IGFN1: variants seen among roughly 807,000 people sequenced by gnomAD.
IGFN1 encodes the protein immunoglobulin like and fibronectin type III domain containing 1.
A neutral mutation model predicts 289.5 loss-of-function variants in IGFN1; 253 were observed. The ratio of observed to expected loss-of-function variants is 0.87; its 90% CI spans 0.79 to 0.97. The LOEUF (loss-of-function observed/expected upper bound fraction) is 0.97. IGFN1 is among the 50% of genes least tolerant of loss of function. IGFN1 has a pLI of 0.00. For missense variants in IGFN1, 4,470 were observed against 4,686.1 expected, an observed-to-expected ratio of 0.95 and a Z score of 1.35; for synonymous variants, 1,706 against 1,788.5, an observed-to-expected ratio of 0.95 and a Z score of 1.16.
chr1:201,217,501 C>G, intron 17 of IGFN1, 41 bp downstream of exon 17: 1 of 1,601,184 alleles, frequency 6.2e-7, no homozygotes, highest in Non-Finnish European at 8.5e-7. Context: ...TTAGACCCCT[C>G]CTGGCTCCAG....
chr1:201,219,602 C>A (rs983207461), intron 18 of IGFN1, among the ~76,000 whole-genome samples: 1 of 152,218 alleles, frequency 6.6e-6, no homozygotes. Context: ...TTTCTCATCC[C>A]CTAATCAGTT....
intron 5 of IGFN1, 77 bp from the exon 6 acceptor site, chr1:201,199,256 AG>A: frequency 7.9e-7 from 1 of 1,272,432 alleles, no homozygotes; most frequent in East Asian, 2.5e-5. Context: ...TCAGTTTCTC[AG>A]GAAGACCATC....
rs1248426051 is a variant in IGFN1, at chr1:201,201,850, A to G, written c.747+18A>G. The G allele has an allele frequency of 3.1e-6, 2 of 639,322 alleles. No individual in the cohort carries two copies. Among genetic ancestry groups the G allele is most frequent in the Admixed American group, 2.2e-5 (1 of 45,766 alleles). 39.6% of individuals were successfully genotyped at this position (639,322 alleles called of 1,614,324 possible). ...TGTATAAGGTGAGGCTGGAGGGGCT[A>G]TGGGTGGGGGGGATCTGGCAGGGAT... On this transcript the variant is annotated intron_variant, in intron 9 of 23. Transcript: ENST00000335211.
rs1427165886 is a variant in IGFN1 at position 201,193,264 on chromosome 1, C to A, written c.-30C>A. 1 of 1,517,318 alleles carries A rather than the reference C, an allele frequency of 6.6e-7. No individual in the cohort carries two copies. 94.0% of individuals were successfully genotyped at this position (1,517,318 alleles called of 1,614,324 possible). ...GTTCTCAGGGTAATAGAACTTCTAC[C>A]CTCAGAGGAGTCAAAGAGGAGGCAG... is the stretch of plus-strand genomic sequence containing the variant. On this transcript the variant is annotated 5_prime_UTR_variant, in exon 2 of 24. Coordinates refer to ENST00000335211, the MANE Select transcript of IGFN1 (RefSeq NM_001164586.2).
In IGFN1 at chr1:201,215,804, C is replaced by A; in HGVS notation, c.9261C>A (p.Gly3087=). 1 of 1,596,708 alleles carries A rather than the reference C, an allele frequency of 6.3e-7. No homozygotes were observed. Among genetic ancestry groups the A allele is most frequent in the Non-Finnish European group, 8.5e-7 (1 of 1,170,428 alleles). ...QYSVTLRSEG[G]SVQAELTLQV... ...GCGTGACACTGAGGAGTGAGGGAGGCTCTGTGCAGGCCGAGCTCACTCTGC... is the reference window on the plus strand; with the variant it reads ...GCGTGACACTGAGGAGTGAGGGAGGATCTGTGCAGGCCGAGCTCACTCTGC... The change falls in exon 15 of 24, where the codon GGC becomes GGA. Residue 3087 remains glycine, a synonymous_variant. Transcript: ENST00000335211.
chr1:201,199,180 C>A (rs900682053), intron 5 of IGFN1, among the ~76,000 whole-genome samples, 154 bp from the exon 6 acceptor site: 4 of 152,200 alleles, frequency 2.6e-5, no homozygotes, highest in African/African-American at 9.6e-5. Flanking sequence ...CACCCTGCTC[C>A]ATCCCTCTTG....
chr1:201,223,960 T>C (rs1030971813), intron 20 of IGFN1, among the ~76,000 whole-genome samples: 2 of 152,220 alleles, frequency 1.3e-5, no homozygotes, highest in African/African-American at 4.8e-5. Flanking sequence ...GCACATTGAG[T>C]AGTTACCATG....
rs201322339 is a variant in IGFN1, at chr1:201,213,258, C to A, written c.8365C>A (p.Gln2789Lys). 1.3e-6 allele frequency: 2 copies of A among 1,552,390 alleles called. No individual in the cohort carries two copies. The highest frequency in any genetic ancestry group is 2.7e-5 in the African/African-American group (2 of 73,060). Residue 2789 changes from glutamine (Q) to lysine (K), a missense_variant, in exon 12 of 24, where the codon CAG (glutamine) becomes AAG (lysine). Gln to Lys is a moderately conservative substitution (Grantham distance 53, BLOSUM62 1). Transcript: ENST00000335211. Reference protein sequence around the residue: ...GSLEAENGEVQGPGALKEDEG... With the variant: ...GSLEAENGEVKGPGALKEDEG... ...CCTGGAGGCTGAGAATGGTGAGGTC[C>A]AGGGTCCTGGGGCCCTAAAGGAGGA...
rs556078243 is a variant in IGFN1, at chr1:201,206,603, A to C, written c.1710A>C (p.Gly570=). The C allele has an allele frequency of 6.5e-7, 1 of 1,545,874 alleles. No homozygotes were observed. Among genetic ancestry groups the C allele is most frequent in the Non-Finnish European group, 8.7e-7 (1 of 1,146,934 alleles). Residue 570 remains glycine, a synonymous_variant, in exon 12 of 24, where the codon GGA becomes GGC. Coordinates refer to ENST00000335211, the MANE Select transcript of IGFN1 (RefSeq NM_001164586.2). ...EAGSSRLQAG[G]LGSSREGKEH... is the part of the protein sequence containing the mutation. ...GGTCCAGTCGGCTTCAGGCTGGAGG[A>C]CTGGGGAGCAGCAGGGAAGGAAAGG... is the stretch of plus-strand genomic sequence containing the variant.
chr1:201,216,724 A>G lies in IGFN1; in HGVS notation c.9566A>G (p.Glu3189Gly). ...TCAGAGGGGGCTGGCGAGGCCCTGG[A>G]GTCTGAGGAGATATTGGTGGCTCCT... The part of the protein sequence containing the change: ...VTSEGAGEAL[E>G]SEEILVAPEA... The change falls in exon 16 of 24, where the codon GAG becomes GGG. Residue 3189 changes from glutamate (E) to glycine (G), a missense_variant. By Grantham distance (98) the Glu-to-Gly change is moderately conservative. Around this residue, in one of 8 missense-constraint regions of IGFN1, gnomAD observed 2,218 missense variants for 2,114.1 expected, o/e 1.05. Coordinates refer to ENST00000335211, the MANE Select transcript of IGFN1 (RefSeq NM_001164586.2). The G allele has an allele frequency of 6.2e-7, 1 of 1,609,788 alleles. No homozygotes were observed. The highest frequency in any genetic ancestry group is 8.5e-7 in the Non-Finnish European group (1 of 1,178,068).
intron 1 of IGFN1, among the ~76,000 whole-genome samples, chr1:201,192,421 C>T (rs1250750252): frequency 6.6e-6 from 1 of 152,168 alleles, no homozygotes. Flanking sequence ...CTCATCCCAC[C>T]CCAGACCCAA....
chr1:201,217,305 C>T lies in IGFN1; in HGVS notation c.9614C>T (p.Ser3205Phe), dbSNP rs1653374760. 1.9e-6 allele frequency: 3 copies of T among 1,614,026 alleles called. No homozygotes were observed. The highest frequency in any genetic ancestry group is 2.5e-6 in the Non-Finnish European group (3 of 1,180,000). Residue 3205 changes from serine (S) to phenylalanine (F), a missense_variant, in exon 17 of 24, where the codon TCC becomes TTC. Around this residue, in one of 8 missense-constraint regions of IGFN1, gnomAD observed 2,218 missense variants for 2,114.1 expected, o/e 1.05. Transcript: ENST00000335211. ...CCCCCAGCTCTCCCCAAGGCCCCTT[C>T]CGCGCCAGCCATCCTGTCGGCCTCC... ...VAPEALPKAP[S>F]APAILSASSQ... is the part of the protein sequence containing the mutation.
rs567133986 is a variant in IGFN1 at position 201,225,906 on chromosome 1, C to T, written c.10569C>T (p.Asp3523=). The T allele has an allele frequency of 2.1e-5, 34 of 1,610,902 alleles. No individual in the cohort carries two copies. The highest frequency in any genetic ancestry group is 1.7e-4 in the South Asian group (15 of 90,568). ...CGGCCGAGTGGGAACCCTCTCCTGACGAGGCCCAGGATGTCCCGCTGCACT... is the reference window on the plus strand; with the variant it reads ...CGGCCGAGTGGGAACCCTCTCCTGATGAGGCCCAGGATGTCCCGCTGCACT... The part of the protein sequence containing the change: ...TVTAEWEPSP[D]EAQDVPLHYA... The change falls in exon 22 of 24, where the codon GAC becomes GAT. Residue 3523 remains aspartate, a synonymous_variant. Transcript: ENST00000335211.
Position 201,217,384 on chromosome 1 carries a change from C to T in IGFN1, c.9693C>T (p.His3231=). ...WTAPRGPGSA[H]ILGYLIERRK... ...CACCTCGGGGCCCCGGCAGCGCCCACATCCTGGGCTACCTGATCGAGAGGC... is the reference window on the plus strand; with the variant it reads ...CACCTCGGGGCCCCGGCAGCGCCCATATCCTGGGCTACCTGATCGAGAGGC... The change falls in exon 17 of 24, where the codon CAC becomes CAT. Residue 3231 remains histidine, a synonymous_variant. Coordinates refer to ENST00000335211, the MANE Select transcript of IGFN1 (RefSeq NM_001164586.2). 6.2e-7 allele frequency: 1 copy of T among 1,614,184 alleles called. No individual in the cohort carries two copies.
Position 201,212,220 on chromosome 1 carries a change from AG to A in IGFN1, c.7331del (p.Gly2444AlafsTer68). The A allele has an allele frequency of 6.5e-7, 1 of 1,534,094 alleles. No individual in the cohort carries two copies. The highest frequency in any genetic ancestry group is 8.7e-7 in the Non-Finnish European group (1 of 1,145,530). On this transcript the variant is annotated frameshift_variant, in exon 12 of 24. Transcript: ENST00000335211. LOFTEE classifies it high-confidence loss of function. ...TGGCATGGCACACAGAGACAGCCTC[AG>A]GGGCACAGGGGTGCTGGGGTCTCAG... The part of the protein sequence containing the change: ...AGGMAHRDSL[R>X]GTGVLGSQGG...
At chr1:201,198,722 C>T (rs546481192) in intron 5 of IGFN1, among the ~76,000 whole-genome samples, 1 of 152,314 alleles carries the variant, frequency 6.6e-6, no homozygotes, top group African/African-American at 2.4e-5. Context: ...CCATCACGAC[C>T]AGTCCATCCA....
At chr1:201,203,244 G>A (rs1278747040) in intron 9 of IGFN1, among the ~76,000 whole-genome samples, 1 of 152,186 alleles carries the variant, frequency 6.6e-6, no homozygotes, top group Non-Finnish European at 1.5e-5. Context: ...TTAATATTCA[G>A]CAAGTAGCAA....
chr1:201,226,842 G>A lies in IGFN1; in HGVS notation c.10787-40G>A, dbSNP rs3738272. On this transcript the variant is annotated intron_variant, in intron 22 of 23. Coordinates refer to ENST00000335211, the MANE Select transcript of IGFN1 (RefSeq NM_001164586.2). ...CCCGGGTCTCAGCCAGGCCTTCCTC[G>A]CTTTCTCACCCTCTTCTCTCACCCC... The A allele has an allele frequency of 2.6e-4, 381 of 1,487,946 alleles. 7 individuals are homozygous for A. In the East Asian group the frequency reaches 8.3e-3, roughly 33 times the overall value. The allele number at this position is 1,487,946 out of a possible 1,614,324, so 92.2% of individuals were successfully genotyped here.
At chr1:201,218,142 C>G (rs1653451280) in intron 17 of IGFN1, among the ~76,000 whole-genome samples, 1 of 152,242 alleles carries the variant, frequency 6.6e-6, no homozygotes, top group Non-Finnish European at 1.5e-5. Flanking sequence ...GGTTCTGCTA[C>G]TTAGGAGCTG....
Sources: gnomAD v4.1 joint callset for allele counts (sites outside exome capture counted in the v4.1 genomes callset) on GRCh38, gnomAD v4.1.1 for gene constraint, gnomAD v4.1.1 regional missense constraint, MANE v1.5 for transcripts, NCBI Gene and HGNC (gene_info 2026-07-23, HGNC 2026-07-21) for gene names.